PXDNL: variants seen among roughly 807,000 people sequenced by gnomAD.
PXDNL encodes the protein peroxidasin like.
Under a neutral mutation model 150.8 loss-of-function variants are expected in PXDNL, and 145 were observed. That is an observed-to-expected ratio of 0.96 (90% CI 0.84 to 1.10). The LOEUF (loss-of-function observed/expected upper bound fraction) is 1.10, where lower values mean the gene tolerates loss of function less well. Ranked by LOEUF, PXDNL falls within the 50% of genes least tolerant of loss-of-function variation. The pLI, the probability that PXDNL is intolerant of heterozygous loss-of-function variation, is 0.00. For missense variants in PXDNL, 2,087 were observed against 1,873.9 expected (o/e 1.11, Z -2.10); for synonymous variants, 757 against 725.7 (o/e 1.04, Z -0.69).
At chr8:51,736,903 A>T (rs1817050292) in intron 1 of PXDNL, among the ~76,000 whole-genome samples, 1 of 152,226 alleles carries the variant, frequency 6.6e-6, no homozygotes, top group African/African-American at 2.4e-5. Context: ...ACTATATACA[A>T]AGTTTTAAGG....
At chr8:51,640,075 G>C (rs1353696830) in intron 2 of PXDNL, among the ~76,000 whole-genome samples, 1 of 152,096 alleles carries the variant, frequency 6.6e-6, no homozygotes, top group Admixed American at 6.6e-5. Context: ...ATGTAATCCA[G>C]CATAGAAACA....
rs369985298 is a variant in PXDNL at position 51,616,804 on chromosome 8, G to A, written c.237-24106C>T. ...TTTTTTTTCCAAATATTTTCAATCC[G>A]AGGTCAGTTGAATCCAAATTTGAAA... On this transcript the variant is annotated intron_variant, in intron 2 of 22. Coordinates refer to ENST00000356297, the MANE Select transcript of PXDNL (RefSeq NM_144651.5). Among the ~76,000 whole-genome samples the A allele has an allele frequency of 7.7e-4, 117 of 152,064 alleles. 1 individual carries two copies. Among genetic ancestry groups the A allele is most frequent in the Non-Finnish European group, 1.2e-3 (84 of 67,992 alleles).
chr8:51,771,482 G>A (rs1374820553), intron 1 of PXDNL, among the ~76,000 whole-genome samples: 1 of 152,200 alleles, frequency 6.6e-6, no homozygotes, highest in Non-Finnish European at 1.5e-5. Context: ...CCTTTGGTGT[G>A]TCACGGATGG....
At chr8:51,623,361 T>C (rs1204288364) in intron 2 of PXDNL, among the ~76,000 whole-genome samples, 1 of 152,212 alleles carries the variant, frequency 6.6e-6, no homozygotes, top group African/African-American at 2.4e-5. Context: ...CACAAGGAAC[T>C]GTTAAAAAGA....
chr8:51,571,220 T>C (rs1006096119), intron 3 of PXDNL, among the ~76,000 whole-genome samples: 57 of 151,978 alleles, frequency 3.8e-4, no homozygotes, highest in South Asian at 1.9e-3. Flanking sequence ...TTTATGTTTG[T>C]TCTACAACAA....
At chr8:51,370,064 C>A (rs543971218) in intron 19 of PXDNL, among the ~76,000 whole-genome samples, 2 of 152,316 alleles carry the variant, frequency 1.3e-5, no homozygotes, top group Non-Finnish European at 2.9e-5. Context: ...GAGCCGAGGC[C>A]TTCAGGTCAG....
At chr8:51,339,522 C>G (rs1393373611) in intron 21 of PXDNL, 102 bp downstream of exon 21, 18 of 1,200,386 alleles carry the variant, frequency 1.5e-5, no homozygotes, top group Non-Finnish European at 2.1e-5. Context: ...TTTTATTATT[C>G]TGATACTGTG....
intron 4 of PXDNL, among the ~76,000 whole-genome samples, chr8:51,555,823 A>C (rs1244110062): frequency 6.6e-6 from 1 of 152,210 alleles, no homozygotes; most frequent in Non-Finnish European, 1.5e-5. Flanking sequence ...AAAACATCAA[A>C]TTGCAGTTTA....
chr8:51,321,759 T>A (rs894712146), intron 21 of PXDNL, among the ~76,000 whole-genome samples: 1 of 152,156 alleles, frequency 6.6e-6, no homozygotes, highest in African/African-American at 2.4e-5. Flanking sequence ...CTAAACCTAT[T>A]TTCTTCATAA....
At chr8:51,744,452 G>A (rs1210541812) in intron 1 of PXDNL, among the ~76,000 whole-genome samples, 6 of 150,916 alleles carry the variant, frequency 4.0e-5, no homozygotes, top group African/African-American at 1.5e-4. Flanking sequence ...TAGATCACGA[G>A]GTCAGGAGAT....
intron 4 of PXDNL, among the ~76,000 whole-genome samples, chr8:51,545,919 TAA>T (rs1812351458): frequency 6.6e-6 from 1 of 152,170 alleles, no homozygotes; most frequent in South Asian, 2.1e-4. Context: ...CTCAAAATCT[TAA>T]CTCATTCCAG....
In PXDNL at chr8:51,408,091, G is replaced by A. The variant is rs1028440511; in HGVS notation, c.3533C>T (p.Ser1178Leu). ...CTTTCTCAGTTTTTGTCTAATCTCT[G>A]AATCTTTAATTTCATTTTGAAGATC... ...FEDLQNEIKDSEIRQKLRKLY... is the reference protein window; with the variant it reads ...FEDLQNEIKDLEIRQKLRKLY... Residue 1178 changes from serine (S) to leucine (L), a missense_variant, in exon 17 of 23, where the codon TCA becomes TTA. Coordinates refer to ENST00000356297, the MANE Select transcript of PXDNL (RefSeq NM_144651.5). 5.0e-6 allele frequency: 8 copies of A among 1,606,882 alleles called. No individual in the cohort carries two copies. Among genetic ancestry groups the A allele is most frequent in the Non-Finnish European group, 6.8e-6 (8 of 1,177,944 alleles).
intron 1 of PXDNL, among the ~76,000 whole-genome samples, chr8:51,685,203 G>A (rs769073300): frequency 4.6e-5 from 7 of 152,076 alleles, no homozygotes; most frequent in Non-Finnish European, 7.4e-5. Flanking sequence ...TAGAAACCTC[G>A]TGTAGAATGC....
At chr8:51,404,543 A>G (rs1808379507) in intron 17 of PXDNL, among the ~76,000 whole-genome samples, 1 of 144,052 alleles carries the variant, frequency 6.9e-6, no homozygotes, top group African/African-American at 3.0e-5. Context: ...ACAATCCCAT[A>G]GCTAGACATA....
chr8:51,802,821 C>A (rs2037634833), intron 1 of PXDNL, among the ~76,000 whole-genome samples: 2 of 152,190 alleles, frequency 1.3e-5, no homozygotes, highest in Non-Finnish European at 1.5e-5. Context: ...ATGGAATATA[C>A]AGGCTAACAA....
chr8:51,696,823 A>AGGTC (rs1563510326), intron 1 of PXDNL, among the ~76,000 whole-genome samples: 8 of 147,286 alleles, frequency 5.4e-5, no homozygotes, highest in African/African-American at 7.7e-5. Flanking sequence ...ACACACACAC[A>AGGTC]CACACACACA....
chr8:51,474,917 A>C, intron 7 of PXDNL, 55 bp downstream of exon 7: 1 of 1,397,198 alleles, frequency 7.2e-7, no homozygotes, highest in Non-Finnish European at 9.7e-7. Context: ...ACCTTTACAA[A>C]AAGAGAGCAA....
At chr8:51,705,042 G>GA (rs1563512912) in intron 1 of PXDNL, among the ~76,000 whole-genome samples, 3 of 151,954 alleles carry the variant, frequency 2.0e-5, no homozygotes, top group East Asian at 3.9e-4. Flanking sequence ...GGATTTCTCA[G>GA]AAAAAAAATA....
chr8:51,648,528 G>C (rs935864662), intron 2 of PXDNL, among the ~76,000 whole-genome samples: 1 of 152,210 alleles, frequency 6.6e-6, no homozygotes, highest in African/African-American at 2.4e-5. Flanking sequence ...CTGGAGGGAA[G>C]GCAGTCCTGC....
Sources: allele counts gnomAD v4.1 joint callset (sites outside exome capture counted in the v4.1 genomes callset), GRCh38; gene constraint gnomAD v4.1.1; transcripts MANE v1.5; gene names NCBI Gene and HGNC (gene_info 2026-07-23, HGNC 2026-07-21).